TNKS: variants seen among roughly 807,000 people sequenced by gnomAD.
TNKS encodes tankyrase, also known as poly [ADP-ribose] polymerase tankyrase-1.
TNKS carries 72 observed loss-of-function variants against 135.8 expected under a neutral mutation model. That is an observed-to-expected ratio of 0.53 (90% CI 0.44 to 0.64). TNKS has a LOEUF of 0.64. Ranked by LOEUF, TNKS falls within the 30% of genes least tolerant of loss-of-function variation. The pLI, the probability that TNKS is intolerant of heterozygous loss-of-function variation, is 0.00. For missense variants in TNKS, 1,769 were observed against 1,674.0 expected, an observed-to-expected ratio of 1.06 and a Z score of -0.99; for synonymous variants, 849 against 649.3, an observed-to-expected ratio of 1.31 and a Z score of -4.68.
intron 1 of TNKS, among the ~76,000 whole-genome samples, chr8:9,570,759 C>T (rs1052022737): frequency 6.6e-6 from 1 of 152,174 alleles, no homozygotes; most frequent in Non-Finnish European, 1.5e-5. Context: ...TGAGGTGCAT[C>T]TGCCATACAG....
chr8:9,564,070 A>T (rs879669547), intron 1 of TNKS, among the ~76,000 whole-genome samples: 5 of 152,198 alleles, frequency 3.3e-5, no homozygotes, highest in African/African-American at 7.2e-5. Flanking sequence ...ATGAAACATC[A>T]TCATTTTATA....
At chr8:9,560,534 C>G (rs1585166612) in intron 1 of TNKS, among the ~76,000 whole-genome samples, 1 of 84,764 alleles carries the variant, frequency 1.2e-5, no homozygotes, top group South Asian at 3.6e-4. Flanking sequence ...CATTTCTCGC[C>G]TTTGTACAAA....
intron 3 of TNKS, among the ~76,000 whole-genome samples, chr8:9,655,465 CG>C (rs1801320008): frequency 6.6e-6 from 1 of 152,158 alleles, no homozygotes; most frequent in Non-Finnish European, 1.5e-5. Flanking sequence ...CCCTGACCCC[CG>C]AGTAGCCTAA....
At chr8:9,600,659 T>C (rs1030916468) in intron 2 of TNKS, among the ~76,000 whole-genome samples, 6 of 152,128 alleles carry the variant, frequency 3.9e-5, no homozygotes, top group Admixed American at 2.6e-4. Context: ...TTTTTCCCAC[T>C]GACGTACTTG....
At chr8:9,593,787 T>C (rs1798673021) in intron 2 of TNKS, among the ~76,000 whole-genome samples, 1 of 152,190 alleles carries the variant, frequency 6.6e-6, no homozygotes, top group Non-Finnish European at 1.5e-5. Context: ...GAACTTGGAA[T>C]GGCACGGGAT....
At chr8:9,627,605 A>G (rs866195428) in intron 3 of TNKS, among the ~76,000 whole-genome samples, 2 of 149,872 alleles carry the variant, frequency 1.3e-5, no homozygotes, top group African/African-American at 4.9e-5. Flanking sequence ...TTTGGGGAAA[A>G]CTCCCCACAC....
At chr8:9,621,594 G>T (rs1453175798) in intron 3 of TNKS, among the ~76,000 whole-genome samples, 1 of 151,786 alleles carries the variant, frequency 6.6e-6, no homozygotes, top group Non-Finnish European at 1.5e-5. Flanking sequence ...GCTTATTTTT[G>T]TTTTTTTCTT....
chr8:9,782,010 T>A lies in TNKS; in HGVS notation c.*5274T>A, dbSNP rs187553060. 26 of 152,476 alleles carry A rather than the reference T, an allele frequency of 1.7e-4. No individual in the cohort carries two copies. Among genetic ancestry groups the A allele is most frequent in the Non-Finnish European group, 2.4e-4 (16 of 68,034 alleles). 9.4% of individuals were successfully genotyped at this position (152,476 alleles called of 1,614,324 possible). A position where few individuals can be genotyped will look rare whatever the true frequency, so the allele number is the denominator to read the frequency against. On this transcript the variant is annotated 3_prime_UTR_variant, in exon 27 of 27. Transcript: ENST00000310430. ...CATATATTTACAGTAAAAGCATTCATTATTTGTCTGAAATTCAAATTTAAC... is the reference window on the plus strand; with the variant it reads ...CATATATTTACAGTAAAAGCATTCAATATTTGTCTGAAATTCAAATTTAAC...
intron 2 of TNKS, among the ~76,000 whole-genome samples, chr8:9,590,949 T>C (rs1372357744): frequency 6.6e-6 from 1 of 152,246 alleles, no homozygotes; most frequent in Non-Finnish European, 1.5e-5. Context: ...CTTTCGTTGC[T>C]TGTGCTTTGG....
Position 9,761,465 on chromosome 8 carries a change from C to T in TNKS, c.3154-51C>T, listed in dbSNP as rs112033819. 2.2e-4 allele frequency: 354 copies of T among 1,587,754 alleles called. No homozygotes were observed. In the African/African-American group the frequency reaches 4.4e-3, roughly 20 times the overall value. On this transcript the variant is annotated intron_variant, in intron 20 of 26. Coordinates refer to ENST00000310430, the MANE Select transcript of TNKS (RefSeq NM_003747.3). Reference sequence around the variant, plus strand: ...TGAAGGCAATTGGAAAAGCTTTTGTCCTCTTAAGAACTGTTAAAGATATCC... The same window carrying T: ...TGAAGGCAATTGGAAAAGCTTTTGTTCTCTTAAGAACTGTTAAAGATATCC...
chr8:9,721,438 C>G (rs1804876732), intron 12 of TNKS, among the ~76,000 whole-genome samples: 1 of 151,616 alleles, frequency 6.6e-6, no homozygotes, highest in African/African-American at 2.4e-5. Context: ...GTAATGCAGT[C>G]TACCTACTGA....
At chr8:9,685,569 T>C (rs969532644) in intron 5 of TNKS, among the ~76,000 whole-genome samples, 1 of 152,180 alleles carries the variant, frequency 6.6e-6, no homozygotes, top group Non-Finnish European at 1.5e-5. Flanking sequence ...ATGTCCTTAT[T>C]GTCCAAGCTC....
chr8:9,774,939 C>G (rs1161232300), intron 26 of TNKS, among the ~76,000 whole-genome samples: 3 of 152,310 alleles, frequency 2.0e-5, no homozygotes, highest in Admixed American at 2.0e-4. Context: ...TTTTGACACT[C>G]AGCATATGCC....
intron 3 of TNKS, among the ~76,000 whole-genome samples, chr8:9,629,525 A>C (rs1486349041): frequency 6.6e-6 from 1 of 152,168 alleles, no homozygotes; most frequent in Non-Finnish European, 1.5e-5. Context: ...TTGCTCCTGT[A>C]TTCCAGCCAT....
chr8:9,720,036 A>G (rs956043568), intron 11 of TNKS, among the ~76,000 whole-genome samples: 6 of 152,214 alleles, frequency 3.9e-5, no homozygotes, highest in African/African-American at 1.4e-4. Flanking sequence ...TTTGGTGAGC[A>G]TCCTCATTGT....
chr8:9,656,766 G>A (rs1290830000), intron 3 of TNKS, among the ~76,000 whole-genome samples: 4 of 151,140 alleles, frequency 2.6e-5, no homozygotes, highest in South Asian at 2.1e-4. Flanking sequence ...AGGACCCCAC[G>A]GCCTTCCGCA....
intron 21 of TNKS, 120 bp downstream of exon 21, chr8:9,761,756 C>A: frequency 9.8e-7 from 1 of 1,021,776 alleles, no homozygotes; most frequent in African/African-American, 1.7e-5. Context: ...ATTGTACCTC[C>A]TGTCCCTTCC....
At chr8:9,716,442 G>A (rs1278247136) in intron 11 of TNKS, among the ~76,000 whole-genome samples, 1 of 152,072 alleles carries the variant, frequency 6.6e-6, no homozygotes, top group Non-Finnish European at 1.5e-5. Flanking sequence ...TTAGTTCTCA[G>A]TAACAAACCA....
At chr8:9,574,328 T>C (rs1206368880) in intron 1 of TNKS, among the ~76,000 whole-genome samples, 1 of 152,204 alleles carries the variant, frequency 6.6e-6, no homozygotes, top group Non-Finnish European at 1.5e-5. Context: ...CCTCTAAAAA[T>C]AGAGTTGCTT....
Sources: allele counts gnomAD v4.1 joint callset (sites outside exome capture counted in the v4.1 genomes callset), GRCh38; gene constraint gnomAD v4.1.1; transcripts MANE v1.5; gene names NCBI Gene and HGNC (gene_info 2026-07-23, HGNC 2026-07-21).